TRPM3: variants seen among roughly 807,000 people sequenced by gnomAD.
TRPM3 encodes the protein transient receptor potential cation channel subfamily M member 3.
A neutral mutation model predicts 181.2 loss-of-function variants in TRPM3; 77 were observed. The observed-to-expected ratio is 0.42, with a 90% CI of 0.35 to 0.51. TRPM3 has a LOEUF of 0.51. TRPM3 is among the 20% of genes least tolerant of loss of function. The pLI, the probability that TRPM3 is intolerant of heterozygous loss-of-function variation, is 0.01. For synonymous variants in TRPM3, 745 were observed against 796.4 expected, an observed-to-expected ratio of 0.94 and a Z score of 1.09; for missense variants, 1,759 against 2,196.7, an observed-to-expected ratio of 0.80 and a Z score of 3.98.
chr9:71,339,634 G>C (rs1359849918), intron 1 of TRPM3, among the ~76,000 whole-genome samples: 1 of 152,058 alleles, frequency 6.6e-6, no homozygotes, highest in Admixed American at 6.6e-5. Context: ...GATAATATTA[G>C]ATCTGTTCAT....
chr9:71,356,251 C>T (rs890089072), intron 1 of TRPM3, among the ~76,000 whole-genome samples: 14 of 152,004 alleles, frequency 9.2e-5, no homozygotes, highest in African/African-American at 2.7e-4. Context: ...CATAGGTAAA[C>T]TTGTGTTATG....
chr9:71,216,904 C>A (rs2131828776), intron 1 of TRPM3, among the ~76,000 whole-genome samples: 1 of 145,742 alleles, frequency 6.9e-6, no homozygotes. Context: ...TTGTACAGCA[C>A]AAGTTTTGCA....
chr9:70,577,156 A>G lies in TRPM3; in HGVS notation c.3223+13875T>C, dbSNP rs75967563. On this transcript the variant is annotated intron_variant, in intron 22 of 25. Transcript: ENST00000677713. ...TACTGTTTCCACCGAACCCCACAGT[A>G]GATGTAACTGCTATGAAGTACATGC... Among the ~76,000 whole-genome samples the G allele has an allele frequency of 3.4e-3, 522 of 152,352 alleles. 5 individuals carry two copies. The highest frequency in any genetic ancestry group is 2.5e-3 in the Non-Finnish European group (172 of 68,026).
At position 70,678,922 on chromosome 9, in the gene TRPM3, T is replaced by C. The variant is rs150186955; in HGVS notation, c.1345+2584A>G. ...TTTACAAATCAAATGGGTCAGCAAC[T>C]GAGAGCATTTCAAAGCCTTCGCAAA... On this transcript the variant is annotated intron_variant, in intron 9 of 25. Coordinates refer to ENST00000677713, the MANE Select transcript of TRPM3 (RefSeq NM_001366145.2). Among the ~76,000 whole-genome samples the C allele has an allele frequency of 9.7e-3, 1,472 of 152,352 alleles. 27 individuals are homozygous for C. Among genetic ancestry groups the C allele is most frequent in the African/African-American group, 0.033 (1,380 of 41,582 alleles).
chr9:70,599,470 T>A (rs1016228976), intron 20 of TRPM3, among the ~76,000 whole-genome samples: 1 of 152,180 alleles, frequency 6.6e-6, no homozygotes, highest in African/African-American at 2.4e-5. Flanking sequence ...TCTGATGACT[T>A]CCATTACAAA....
At chr9:70,954,451 C>T (rs1295354963) in intron 1 of TRPM3, among the ~76,000 whole-genome samples, 1 of 152,150 alleles carries the variant, frequency 6.6e-6, no homozygotes, top group Non-Finnish European at 1.5e-5. Context: ...GCAATCACAT[C>T]CTGTTTCCTT....
At chr9:70,609,127 G>A (rs1019710017) in intron 19 of TRPM3, among the ~76,000 whole-genome samples, 33 of 152,156 alleles carry the variant, frequency 2.2e-4, no homozygotes, top group African/African-American at 7.0e-4. Flanking sequence ...CTATAAAATC[G>A]GAACTACTAT....
At chr9:71,382,400 C>G (rs956671166) in intron 1 of TRPM3, among the ~76,000 whole-genome samples, 7 of 152,102 alleles carry the variant, frequency 4.6e-5, no homozygotes, top group African/African-American at 1.7e-4. Flanking sequence ...AATGGAGGCT[C>G]TAAAAGGTTA....
At chr9:71,197,068 T>C (rs1254351570) in intron 1 of TRPM3, among the ~76,000 whole-genome samples, 1 of 152,140 alleles carries the variant, frequency 6.6e-6, no homozygotes, top group Non-Finnish European at 1.5e-5. Flanking sequence ...CCCCTTCCTG[T>C]GTCCATGTGT....
At chr9:70,854,927 T>C (rs2095347551) in intron 3 of TRPM3, among the ~76,000 whole-genome samples, 1 of 152,222 alleles carries the variant, frequency 6.6e-6, no homozygotes, top group Non-Finnish European at 1.5e-5. Context: ...AAATGTATTT[T>C]GAGTTCCAAA....
intron 1 of TRPM3, among the ~76,000 whole-genome samples, chr9:70,994,019 AG>A (rs1455818636): frequency 6.6e-6 from 1 of 152,162 alleles, no homozygotes; most frequent in Non-Finnish European, 1.5e-5. Context: ...CTAGGGAGTG[AG>A]AAAATGACCA....
chr9:71,284,445 ATCTG>A lies in TRPM3; in HGVS notation c.183+162204_183+162207del, dbSNP rs556778728. Among the ~76,000 whole-genome samples, 207 of 152,298 alleles carry A rather than the reference ATCTG, an allele frequency of 1.4e-3. 1 individual carries two copies. The highest frequency in any genetic ancestry group is 4.9e-3 in the African/African-American group (203 of 41,572). Reference sequence around the variant, plus strand: ...GAAAACGTGGAGAATACAACACTTGATCTGTCTAATGGCCTAGGAGACTCGATCA... The same window carrying A: ...GAAAACGTGGAGAATACAACACTTGATCTAATGGCCTAGGAGACTCGATCA... On this transcript the variant is annotated intron_variant, in intron 1 of 24. Transcript: ENST00000357533.
Position 71,377,203 on chromosome 9 carries a change from T to C in TRPM3, c.183+69450A>G, listed in dbSNP as rs554669992. Among the ~76,000 whole-genome samples the C allele has an allele frequency of 5.3e-5, 8 of 152,208 alleles. No individual in the cohort carries two copies. In the South Asian group the frequency reaches 1.2e-3, roughly 24 times the overall value. On this transcript the variant is annotated intron_variant, in intron 1 of 24. Coordinates refer to the TRPM3 transcript ENST00000357533. ...TCATTTAAACATAATGGCCATTCAT[T>C]AACAATTCCTATTGACCAAAGATAC... is the stretch of plus-strand genomic sequence containing the variant.
intron 22 of TRPM3, among the ~76,000 whole-genome samples, chr9:70,587,213 T>C (rs989165487): frequency 2.1e-4 from 32 of 152,174 alleles, no homozygotes; most frequent in Admixed American, 2.6e-4. Flanking sequence ...GTTGTCATGG[T>C]AGAAAGTAAG....
At chr9:70,576,847 A>G (rs1321353150) in intron 22 of TRPM3, among the ~76,000 whole-genome samples, 1 of 151,806 alleles carries the variant, frequency 6.6e-6, no homozygotes, top group African/African-American at 2.4e-5. Flanking sequence ...TCACACTGGC[A>G]TTTTTTTTGA....
chr9:70,834,033 C>G (rs547489280), intron 5 of TRPM3, among the ~76,000 whole-genome samples: 8 of 152,210 alleles, frequency 5.3e-5, no homozygotes, highest in Non-Finnish European at 8.8e-5. Flanking sequence ...TATAGCGAGG[C>G]CAGAGCTAGC....
intron 1 of TRPM3, among the ~76,000 whole-genome samples, chr9:71,056,448 T>G (rs1255710485): frequency 1.3e-5 from 2 of 152,022 alleles, no homozygotes; most frequent in Non-Finnish European, 2.9e-5. Context: ...CCTGTTAGAG[T>G]GTCACACTGT....
intron 17 of TRPM3, among the ~76,000 whole-genome samples, chr9:70,616,287 G>A (rs947800295): frequency 2.2e-4 from 33 of 151,904 alleles, no homozygotes; most frequent in Non-Finnish European, 1.9e-4. Context: ...GGATCATTTT[G>A]TCCCATCTAG....
chr9:70,588,699 G>A (rs188350949), intron 22 of TRPM3, among the ~76,000 whole-genome samples: 90 of 152,298 alleles, frequency 5.9e-4, no homozygotes, highest in African/African-American at 1.9e-3. Context: ...GCAAGACGTC[G>A]TAGGGCAGCA....
Sources: gnomAD v4.1 joint callset for allele counts (sites outside exome capture counted in the v4.1 genomes callset) on GRCh38, gnomAD v4.1.1 for gene constraint, MANE v1.5 for transcripts, NCBI Gene and HGNC (gene_info 2026-07-23, HGNC 2026-07-21) for gene names.